Variants in CNTNAP2 observed in about 807,000 individuals in gnomAD.
CNTNAP2 encodes the protein contactin-associated protein-like 2.
Under a neutral mutation model 155.2 loss-of-function variants are expected in CNTNAP2, and 98 were observed. That is an observed-to-expected ratio of 0.63 (90% CI 0.54 to 0.75). The LOEUF (loss-of-function observed/expected upper bound fraction) is 0.75. Among genes scored for constraint, CNTNAP2 ranks in the 30% least tolerant of loss-of-function variants. The pLI is 0.00. For missense variants in CNTNAP2, 1,727 were observed against 1,688.1 expected (o/e 1.02, Z -0.40); for synonymous variants, 651 against 631.2 (o/e 1.03, Z -0.47).
intron 19 of CNTNAP2, among the ~76,000 whole-genome samples, chr7:148,225,908 A>G (rs186603407): frequency 1.3e-5 from 2 of 152,226 alleles, no homozygotes; most frequent in Admixed American, 1.3e-4. Flanking sequence ...GAAAACTGCA[A>G]TGGAATACTT....
chr7:147,768,405 A>G (rs1430486129), intron 13 of CNTNAP2, among the ~76,000 whole-genome samples: 1 of 152,084 alleles, frequency 6.6e-6, no homozygotes, highest in Non-Finnish European at 1.5e-5. Context: ...TAATCTATTC[A>G]TGTCCTATAT....
At chr7:147,717,046 C>G (rs1796490291) in intron 13 of CNTNAP2, among the ~76,000 whole-genome samples, 2 of 151,804 alleles carry the variant, frequency 1.3e-5, no homozygotes, top group South Asian at 4.2e-4. Flanking sequence ...AATATTTTGA[C>G]AACAATATCA....
At position 148,217,527 on chromosome 7, in the gene CNTNAP2, A is replaced by G. The variant is rs1432761435; in HGVS notation, c.3247+3A>G. On this transcript the variant is annotated splice_donor_region_variant and intron_variant, in intron 19 of 23. Coordinates refer to ENST00000361727, the MANE Select transcript of CNTNAP2 (RefSeq NM_014141.6). ...GGCAGTCCTCGTCAAACCCACTGGT[A>G]AGGACAAGGATACCCAGCCTCTGCC... The G allele has an allele frequency of 4.3e-6, 7 of 1,613,506 alleles. No individual in the cohort carries two copies. Among genetic ancestry groups the G allele is most frequent in the African/African-American group, 2.7e-5 (2 of 74,932 alleles).
chr7:146,598,450 T>A (rs1798896702), intron 1 of CNTNAP2, among the ~76,000 whole-genome samples: 1 of 152,146 alleles, frequency 6.6e-6, no homozygotes, highest in Non-Finnish European at 1.5e-5. Context: ...CCTGCTGCAA[T>A]TATGTTTTGA....
chr7:146,874,194 A>G (rs1278958242), intron 3 of CNTNAP2, among the ~76,000 whole-genome samples: 2 of 152,296 alleles, frequency 1.3e-5, no homozygotes, highest in East Asian at 3.9e-4. Flanking sequence ...GATCCTGAAT[A>G]TAGCTGATGT....
At chr7:148,092,032 T>G (rs1408822440) in intron 15 of CNTNAP2, among the ~76,000 whole-genome samples, 3 of 152,124 alleles carry the variant, frequency 2.0e-5, no homozygotes, top group African/African-American at 7.2e-5. Context: ...GAGGCAGACA[T>G]GTGTTAATAG....
At position 147,187,983 on chromosome 7, in the gene CNTNAP2, C is replaced by A. The variant is rs1802602236; in HGVS notation, c.1348+55474C>A. Among the ~76,000 whole-genome samples the A allele has an allele frequency of 2.0e-5, 3 of 152,176 alleles. No homozygotes were observed. In the South Asian group the frequency reaches 6.2e-4, roughly 32 times the overall value. ...GGCTGAAGTGGGAGGACCATTTAAG[C>A]CCGGGAGGTGTAGGTTGCAGTGAGC... On this transcript the variant is annotated intron_variant, in intron 8 of 23. Coordinates refer to ENST00000361727, the MANE Select transcript of CNTNAP2 (RefSeq NM_014141.6).
At chr7:147,751,899 A>G (rs371172539) in intron 13 of CNTNAP2, among the ~76,000 whole-genome samples, 3 of 152,194 alleles carry the variant, frequency 2.0e-5, no homozygotes, top group African/African-American at 7.2e-5. Context: ...TGTTATTCCT[A>G]TTTACTTACA....
At chr7:146,818,967 C>CA (rs1429508785) in intron 2 of CNTNAP2, among the ~76,000 whole-genome samples, 1 of 151,832 alleles carries the variant, frequency 6.6e-6, no homozygotes. Flanking sequence ...AAATATAATA[C>CA]AAAAAATGTG....
chr7:146,158,445 G>T (rs1798162037), intron 1 of CNTNAP2, among the ~76,000 whole-genome samples: 2 of 152,236 alleles, frequency 1.3e-5, no homozygotes, highest in Non-Finnish European at 2.9e-5. Context: ...AAACTTCTCT[G>T]AGCTAAAGGA....
chr7:147,111,136 G>A (rs1413433834), intron 5 of CNTNAP2, among the ~76,000 whole-genome samples: 5 of 152,014 alleles, frequency 3.3e-5, no homozygotes. Context: ...GTGATGTAGA[G>A]ATTTTTTTTC....
At chr7:147,850,435 C>A (rs1256270710) in intron 13 of CNTNAP2, among the ~76,000 whole-genome samples, 1 of 152,114 alleles carries the variant, frequency 6.6e-6, no homozygotes, top group Non-Finnish European at 1.5e-5. Context: ...TCATATGCAA[C>A]CAAAAAAGAG....
intron 15 of CNTNAP2, among the ~76,000 whole-genome samples, chr7:148,022,329 C>T (rs1295954908): frequency 6.6e-6 from 1 of 151,882 alleles, no homozygotes; most frequent in Non-Finnish European, 1.5e-5. Flanking sequence ...ATTAGCCGAG[C>T]GTGGCGGCAG....
chr7:147,347,420 TTATATATATA>T lies in CNTNAP2; in HGVS notation c.1498+47140_1498+47149del, dbSNP rs137977529. On this transcript the variant is annotated intron_variant, in intron 9 of 23. Coordinates refer to ENST00000361727, the MANE Select transcript of CNTNAP2 (RefSeq NM_014141.6). ...CTGTATTTCCTCTTATGTGAAAAGATTATATATATATATATATATGCATATATATATATAT... is the reference window on the plus strand; with the variant it reads ...CTGTATTTCCTCTTATGTGAAAAGATTATATATATGCATATATATATATAT... 1.4e-4 allele frequency among the ~76,000 whole-genome samples: 17 copies of T among 120,726 alleles called. 1 individual carries two copies. The highest frequency in any genetic ancestry group is 5.7e-4 in the African/African-American group (16 of 28,118). 79.2% of individuals were successfully genotyped at this position (120,726 alleles called of 152,430 possible). A position where few individuals can be genotyped will look rare whatever the true frequency, so the allele number is the denominator to read the frequency against.
At chr7:146,880,020 G>C (rs1795510234) in intron 3 of CNTNAP2, among the ~76,000 whole-genome samples, 1 of 151,986 alleles carries the variant, frequency 6.6e-6, no homozygotes, top group Admixed American at 6.6e-5. Context: ...TCACTACCAT[G>C]AGAACAGTAT....
At chr7:147,084,375 A>C (rs1318583275) in intron 4 of CNTNAP2, among the ~76,000 whole-genome samples, 1 of 22,166 alleles carries the variant, frequency 4.5e-5, no homozygotes, top group African/African-American at 1.4e-4. Flanking sequence ...ATGTATATAT[A>C]ATATATGCAT....
chr7:147,169,465 T>G (rs1174516070), intron 8 of CNTNAP2, among the ~76,000 whole-genome samples: 1 of 152,188 alleles, frequency 6.6e-6, no homozygotes, highest in African/African-American at 2.4e-5. Context: ...GTGTCTACTG[T>G]TCCCATGTTT....
At chr7:147,154,312 C>G (rs1351803391) in intron 8 of CNTNAP2, among the ~76,000 whole-genome samples, 1 of 151,984 alleles carries the variant, frequency 6.6e-6, no homozygotes, top group Non-Finnish European at 1.5e-5. Flanking sequence ...AAATGAGTAG[C>G]AGGATGGGAA....
In CNTNAP2 at chr7:146,291,578, A is replaced by C. The variant is rs1800429948; in HGVS notation, c.97+174605A>C. On this transcript the variant is annotated intron_variant, in intron 1 of 23. Coordinates refer to ENST00000361727, the MANE Select transcript of CNTNAP2 (RefSeq NM_014141.6). ...GAAACAATTTGCTGCCCCATGTTCA[A>C]TAAACAGCTGAAGGCAGGGATGGTA... Among the ~76,000 whole-genome samples the C allele has an allele frequency of 3.9e-5, 6 of 152,324 alleles. No individual in the cohort carries two copies. In the South Asian group the frequency reaches 1.2e-3, roughly 32 times the overall value.
Sources: allele counts gnomAD v4.1 joint callset (sites outside exome capture counted in the v4.1 genomes callset), GRCh38; gene constraint gnomAD v4.1.1; transcripts MANE v1.5; gene names NCBI Gene and HGNC (gene_info 2026-07-23, HGNC 2026-07-21).